The following TUSC3 variants were observed in gnomAD, a reference collection of about 807,000 sequenced individuals.
TUSC3 encodes dolichyl-diphosphooligosaccharide--protein glycosyltransferase subunit TUSC3.
TUSC3 carries 45 observed loss-of-function variants against 44.8 expected under a neutral mutation model. The observed-to-expected ratio is 1.00, with a 90% CI of 0.79 to 1.29. The LOEUF is 1.29. TUSC3 is among the 50% of genes most tolerant of loss of function. TUSC3 has a pLI of 0.00. For missense variants in TUSC3, 519 were observed against 437.9 expected, an observed-to-expected ratio of 1.19 and a Z score of -1.65; for synonymous variants, 212 against 152.9, an observed-to-expected ratio of 1.39 and a Z score of -2.85.
chr8:15,581,669 G>C (rs549924238), intron 1 of TUSC3, among the ~76,000 whole-genome samples: 3 of 149,080 alleles, frequency 2.0e-5, no homozygotes, highest in African/African-American at 7.5e-5. Flanking sequence ...GAGGCAGTCT[G>C]CCCGTTCTCA....
chr8:15,423,264 A>G (rs1799760877), intron 1 of TUSC3, among the ~76,000 whole-genome samples: 1 of 152,172 alleles, frequency 6.6e-6, no homozygotes, highest in African/African-American at 2.4e-5. Flanking sequence ...TTCTGCATCT[A>G]TGATAATGAG....
chr8:15,575,604 T>A (rs750047176), intron 1 of TUSC3, among the ~76,000 whole-genome samples: 11 of 152,006 alleles, frequency 7.2e-5, no homozygotes, highest in Non-Finnish European at 1.6e-4. Context: ...CCGTCTCTAT[T>A]TAAAATAAAA....
chr8:15,669,496 A>G (rs1807845395), intron 5 of TUSC3, among the ~76,000 whole-genome samples: 1 of 151,830 alleles, frequency 6.6e-6, no homozygotes, highest in Admixed American at 6.6e-5. Flanking sequence ...TTCTAAACAA[A>G]AAAATTACAG....
chr8:15,703,441 T>G (rs1211288460), intron 6 of TUSC3, among the ~76,000 whole-genome samples: 1 of 152,158 alleles, frequency 6.6e-6, no homozygotes, highest in Non-Finnish European at 1.5e-5. Flanking sequence ...TAACATTTTT[T>G]AAACATTCAT....
chr8:15,808,867 A>C, the TUSC3 span, among the ~76,000 whole-genome samples: 37 of 152,212 alleles, frequency 2.4e-4, no homozygotes, highest in African/African-American at 8.7e-4. Flanking sequence ...TCTTTTTTTA[A>C]AAAAAGATAA....
intron 1 of TUSC3, among the ~76,000 whole-genome samples, chr8:15,419,547 T>G (rs1017314739): frequency 1.3e-5 from 2 of 152,166 alleles, no homozygotes; most frequent in African/African-American, 4.8e-5. Flanking sequence ...AGCAATAAAA[T>G]TCCTCCTTTT....
chr8:15,710,237 A>G (rs565534782), intron 6 of TUSC3, among the ~76,000 whole-genome samples: 19 of 151,828 alleles, frequency 1.3e-4, no homozygotes, highest in African/African-American at 4.6e-4. Flanking sequence ...TAATTTAATA[A>G]TGCTTTATTT....
At position 15,659,434 on chromosome 8, in the gene TUSC3, C is replaced by T. The variant is rs1195803773; in HGVS notation, c.427-73C>T. 9 of 1,553,518 alleles carry T rather than the reference C, an allele frequency of 5.8e-6. No individual in the cohort carries two copies. The East Asian group carries it at 1.2e-4, about 20-fold the overall frequency. ...AAATGCTGTTTTCCCCGAATTTCTA[C>T]AGAAAAAGTGTAAAATATTGGATTA... On this transcript the variant is annotated intron_variant, in intron 3 of 10. Coordinates refer to ENST00000503731, the MANE Select transcript of TUSC3 (RefSeq NM_006765.4).
chr8:15,504,313 T>C (rs1033592276), intron 2 of TUSC3, among the ~76,000 whole-genome samples: 3 of 152,032 alleles, frequency 2.0e-5, no homozygotes, highest in Admixed American at 6.6e-5. Context: ...CTTATTGACA[T>C]AGACTTCTAA....
At chr8:15,472,376 TAAAGTA>T (rs754458377) in intron 1 of TUSC3, among the ~76,000 whole-genome samples, 11 of 152,220 alleles carry the variant, frequency 7.2e-5, no homozygotes, top group East Asian at 1.9e-4. Flanking sequence ...TCTAGAAAGT[TAAAGTA>T]AAATTTCTAT....
rs141305602 is a variant in TUSC3 at position 15,592,189 on chromosome 8, G to A, written c.139-30891G>A. On this transcript the variant is annotated intron_variant, in intron 1 of 10. Transcript: ENST00000503731. ...CTTAGTAAAATGCGAAAAAGTGGAG[G>A]AAGAATAGGTTTTGAAAAGAAGTCA... Among the ~76,000 whole-genome samples, 356 of 152,354 alleles carry A rather than the reference G, an allele frequency of 2.3e-3. 3 individuals are homozygous for A. The highest frequency in any genetic ancestry group is 3.7e-3 in the Non-Finnish European group (252 of 68,030).
chr8:15,849,000 T>C, the TUSC3 span, among the ~76,000 whole-genome samples: 1 of 152,218 alleles, frequency 6.6e-6, no homozygotes, highest in Non-Finnish European at 1.5e-5. Context: ...CGTATTTCTA[T>C]ATCCCTCACA....
chr8:15,435,721 G>A (rs1357844790), intron 1 of TUSC3, among the ~76,000 whole-genome samples: 3 of 152,186 alleles, frequency 2.0e-5, no homozygotes, highest in Admixed American at 2.0e-4. Flanking sequence ...CATATAAAGT[G>A]AGAAATAAGG....
At chr8:15,769,571 T>A (rs1324126122), downstream of TUSC3, among the ~76,000 whole-genome samples, 1 of 152,114 alleles carries the variant, frequency 6.6e-6, no homozygotes, top group Non-Finnish European at 1.5e-5. Flanking sequence ...ATGCCAAAAT[T>A]GATACATGGG....
At chr8:15,432,516 G>T (rs905473456) in intron 1 of TUSC3, among the ~76,000 whole-genome samples, 3 of 152,048 alleles carry the variant, frequency 2.0e-5, no homozygotes, top group Admixed American at 6.6e-5. Context: ...TCTGATGCTT[G>T]CTCTCTCTGT....
intron 6 of TUSC3, among the ~76,000 whole-genome samples, chr8:15,701,205 A>G (rs576056856): frequency 2.0e-5 from 3 of 152,220 alleles, no homozygotes; most frequent in East Asian, 3.9e-4. Context: ...GTAATAATCA[A>G]TGTAAAACCT....
chr8:15,744,637 A>AATACACAGTTT (rs1423043868), intron 8 of TUSC3, among the ~76,000 whole-genome samples: 1 of 152,112 alleles, frequency 6.6e-6, no homozygotes, highest in Non-Finnish European at 1.5e-5. Context: ...TTTTTGATGT[A>AATACACAGTTT]ATACACAGTT....
intron 6 of TUSC3, among the ~76,000 whole-genome samples, chr8:15,723,931 C>G (rs1442835124): frequency 1.3e-5 from 2 of 152,100 alleles, no homozygotes; most frequent in Non-Finnish European, 2.9e-5. Context: ...CTTAGAATTA[C>G]TGAGAGGTAT....
intron 1 of TUSC3, among the ~76,000 whole-genome samples, chr8:15,573,787 G>A (rs1802982225): frequency 6.6e-6 from 1 of 152,038 alleles, no homozygotes; most frequent in Non-Finnish European, 1.5e-5. Flanking sequence ...TTTTTTTAAT[G>A]CTAACATCAT....
Sources: allele counts gnomAD v4.1 joint callset (sites outside exome capture counted in the v4.1 genomes callset), GRCh38; gene constraint gnomAD v4.1.1; transcripts MANE v1.5; gene names NCBI Gene and HGNC (gene_info 2026-07-23, HGNC 2026-07-21).